Variants in ACVRL1 observed in about 807,000 individuals in gnomAD.
The protein encoded by ACVRL1 is activin A receptor like type 1, also known as activin receptor type-1-like.
ACVRL1 carries 20 observed loss-of-function variants against 51.9 expected under a neutral mutation model. The observed-to-expected ratio is 0.39, with a 90% CI of 0.27 to 0.56. ACVRL1 has a LOEUF of 0.56. ACVRL1 is among the 20% of genes least tolerant of loss of function. The pLI, the probability that ACVRL1 is intolerant of heterozygous loss-of-function variation, is 0.67. For synonymous variants in ACVRL1, 288 were observed against 280.9 expected, an observed-to-expected ratio of 1.03 and a Z score of -0.25; for missense variants, 451 against 670.3, an observed-to-expected ratio of 0.67 and a Z score of 3.61.
rs142906906 is a variant in ACVRL1 at position 51,914,473 on chromosome 12, G to C, written c.660G>C (p.Leu220Phe). 7.1e-5 allele frequency: 114 copies of C among 1,614,174 alleles called. 1 individual carries two copies. In the South Asian group the frequency reaches 1.2e-3, roughly 17 times the overall value. Residue 220 changes from leucine to phenylalanine, a missense_variant, in exon 6 of 10, where the codon TTG becomes TTC. By Grantham distance (22) the Leu-to-Phe change is conservative. This residue lies in a region of ACVRL1 where 259 missense variants were observed against 453.4 expected (regional missense o/e 0.57). Coordinates refer to ENST00000388922, the MANE Select transcript of ACVRL1 (RefSeq NM_000020.3). ...KGRYGEVWRG[L>F]WHGESVAVKI... ...GCTATGGCGAAGTGTGGCGGGGCTT[G>C]TGGCACGGTGAGAGTGTGGCCGTCA...
At position 51,920,899 on chromosome 12, in the gene ACVRL1, G is replaced by A. The variant is rs1421031981; in HGVS notation, c.*6G>A. 3 of 1,292,988 alleles carry A rather than the reference G, an allele frequency of 2.3e-6. No homozygotes were observed. The highest frequency in any genetic ancestry group is 3.1e-6 in the Non-Finnish European group (3 of 956,876). 80.1% of individuals were successfully genotyped at this position (1,292,988 alleles called of 1,614,324 possible). A position where few individuals can be genotyped will look rare whatever the true frequency, so the allele number is the denominator to read the frequency against. On this transcript the variant is annotated 3_prime_UTR_variant, in exon 10 of 10. Transcript: ENST00000388922. Reference sequence around the variant, plus strand: ...AGCCTAAAGTGATTCAATAGCCCAGGAGCACCTGATTCCTTTCTGCCTGCA... The same window carrying A: ...AGCCTAAAGTGATTCAATAGCCCAGAAGCACCTGATTCCTTTCTGCCTGCA...
rs1064796070 is a variant in ACVRL1, at chr12:51,915,367, CG to C, written c.916del (p.Ala306ArgfsTer48). The C allele has an allele frequency of 6.2e-7, 1 of 1,613,990 alleles. No individual in the cohort carries two copies. The highest frequency in any genetic ancestry group is 1.3e-5 in the African/African-American group (1 of 74,960). On this transcript the variant is annotated frameshift_variant, in exon 7 of 10. Coordinates refer to ENST00000388922, the MANE Select transcript of ACVRL1 (RefSeq NM_000020.3). LOFTEE classifies it high-confidence loss of function. Reference protein sequence around the residue: ...PHLALRLAVSAACGLAHLHVE... With the variant: ...PHLALRLAVSXACGLAHLHVE... ...ATCTGGCTCTGAGGCTAGCTGTGTC[CG>C]CGGCATGCGGCCTGGCGCACCTGCA...
intron 1 of ACVRL1, among the ~76,000 whole-genome samples, chr12:51,908,518 A>T (rs965624939): frequency 6.6e-6 from 1 of 152,162 alleles, no homozygotes; most frequent in Admixed American, 6.5e-5. Context: ...TTAGATATAT[A>T]TATTTTTTCT....
chr12:51,914,068 G>A lies in ACVRL1; in HGVS notation c.620G>A (p.Cys207Tyr). 6.2e-7 allele frequency: 1 copy of A among 1,613,456 alleles called. No homozygotes were observed. Among genetic ancestry groups the A allele is most frequent in the Non-Finnish European group, 8.5e-7 (1 of 1,179,728 alleles). The change falls in exon 5 of 10, where the codon TGT becomes TAT. Residue 207 changes from cysteine to tyrosine, a missense_variant. Physicochemically the swap from Cys to Tyr is radical, Grantham distance 194. Transcript: ENST00000388922. Reference protein sequence around the residue: ...TVARQVALVECVGKGRYGEVW... With the variant: ...TVARQVALVEYVGKGRYGEVW... Reference sequence around the variant, plus strand: ...GCACGGCAGGTTGCCTTGGTGGAGTGTGTGGGTGAGCAGTGGGTGAGCCCG... The same window carrying A: ...GCACGGCAGGTTGCCTTGGTGGAGTATGTGGGTGAGCAGTGGGTGAGCCCG...
chr12:51,914,780 G>A (rs991743405), intron 6 of ACVRL1, among the ~76,000 whole-genome samples, 195 bp downstream of exon 6: 2 of 149,110 alleles, frequency 1.3e-5, no homozygotes, highest in Non-Finnish European at 3.0e-5. Flanking sequence ...ACAGGGCCTC[G>A]CTCTGTCACC....
intron 9 of ACVRL1, among the ~76,000 whole-genome samples, chr12:51,919,533 G>A (rs915435039): frequency 2.0e-5 from 3 of 152,010 alleles, no homozygotes; most frequent in South Asian, 2.1e-4. Context: ...GTAGCTAGGT[G>A]TAGTGCACAC....
intron 1 of ACVRL1, among the ~76,000 whole-genome samples, chr12:51,912,144 C>T (rs986388948): frequency 6.6e-6 from 1 of 152,194 alleles, no homozygotes; most frequent in African/African-American, 2.4e-5. Flanking sequence ...CCTTCTACCC[C>T]AATTGGGTGC....
At position 51,913,626 on chromosome 12, in the gene ACVRL1, G is replaced by A. The variant is rs756805913; in HGVS notation, c.381G>A (p.Leu127=). 3.1e-6 allele frequency: 5 copies of A among 1,604,150 alleles called. No individual in the cohort carries two copies. In the African/African-American group the frequency reaches 6.7e-5, roughly 21 times the overall value. ...TGGCCCTGATCCTGGGCCCCGTGCT[G>A]GCCTTGCTGGCCCTGGTGGCCCTGG... ...GQLALILGPV[L]ALLALVALGV... The change falls in exon 4 of 10, where the codon CTG becomes CTA. Residue 127 remains leucine (L), a synonymous_variant. Coordinates refer to ENST00000388922, the MANE Select transcript of ACVRL1 (RefSeq NM_000020.3).
chr12:51,909,065 T>C (rs1592219242), intron 1 of ACVRL1, among the ~76,000 whole-genome samples: 1 of 152,090 alleles, frequency 6.6e-6, no homozygotes, highest in Non-Finnish European at 1.5e-5. Context: ...AAGTGCAGAG[T>C]GAGTCCAGAA....
chr12:51,912,418 C>T (rs186224425), intron 1 of ACVRL1, 52 bp from the exon 2 acceptor site: 77 of 1,591,010 alleles, frequency 4.8e-5, no homozygotes, highest in South Asian at 1.8e-4. Context: ...CCACGGCCAG[C>T]GGCTGTCACA....
rs1219051285 is a variant in ACVRL1 at position 51,917,245 on chromosome 12, A to G, written c.1246+1012A>G. Among the ~76,000 whole-genome samples, 2 of 152,212 alleles carry G rather than the reference A, an allele frequency of 1.3e-5. No homozygotes were observed. Among genetic ancestry groups the G allele is most frequent in the Non-Finnish European group, 2.9e-5 (2 of 68,034 alleles). On this transcript the variant is annotated intron_variant, in intron 8 of 9. Transcript: ENST00000388922. The surrounding 1 kb of genome is among the most constrained non-coding windows in gnomAD (Gnocchi z 4.2). ...GTGCTCATCATCACTGTGTGCACTT[A>G]AACCTCTCTGGCCCTTGATTTCCTC...
chr12:51,918,858 T>G, intron 8 of ACVRL1, 127 bp from the exon 9 acceptor site: 1 of 1,343,258 alleles, frequency 7.4e-7, no homozygotes, highest in East Asian at 2.3e-5. Context: ...ACTGTCCCTC[T>G]CAGGGGTAGC....
chr12:51,922,453 A>T lies in ACVRL1; in HGVS notation c.*1560A>T, dbSNP rs80260084. On this transcript the variant is annotated 3_prime_UTR_variant, in exon 10 of 10. Transcript: ENST00000388922. ...CATCCAAGAAGGCTCCAGCTCCCCTACTGGCCCCTGGCTCAGGCCCACACC... is the reference window on the plus strand; with the variant it reads ...CATCCAAGAAGGCTCCAGCTCCCCTTCTGGCCCCTGGCTCAGGCCCACACC... The T allele has an allele frequency of 6.6e-6, 1 of 152,212 alleles. No homozygotes were observed. The highest frequency in any genetic ancestry group is 1.5e-5 in the Non-Finnish European group (1 of 68,148). The allele number at this position is 152,212 out of a possible 1,614,324, so 9.4% of individuals were successfully genotyped here.
Position 51,913,343 on chromosome 12 carries a change from G to T in ACVRL1, c.306G>T (p.Val102=), listed in dbSNP as rs750949695. 3.1e-6 allele frequency: 5 copies of T among 1,612,256 alleles called. No individual in the cohort carries two copies. Among genetic ancestry groups the T allele is most frequent in the Non-Finnish European group, 4.2e-6 (5 of 1,179,594 alleles). Residue 102 remains valine, a synonymous_variant, in exon 3 of 10, where the codon GTG becomes GTT. Coordinates refer to ENST00000388922, the MANE Select transcript of ACVRL1 (RefSeq NM_000020.3). ...SHLCNHNVSL[V]LEATQPPSEQ... is the part of the protein sequence containing the mutation. ...TCTGCAACCACAACGTGTCCCTGGT[G>T]CTGGAGGGTACGTCCAGCTGCCCTA...
Position 51,915,259 on chromosome 12 carries a change from G to T in ACVRL1, c.807G>T (p.Ser269=). ...CCTCAGACATGACCTCCCGCAACTC[G>T]AGCACGCAGCTGTGGCTCATCACGC... ...FIASDMTSRN[S]STQLWLITHY... The change falls in exon 7 of 10, where the codon TCG becomes TCT. Residue 269 remains serine, a synonymous_variant. Coordinates refer to ENST00000388922, the MANE Select transcript of ACVRL1 (RefSeq NM_000020.3). 1 of 1,614,060 alleles carries T rather than the reference G, an allele frequency of 6.2e-7. No homozygotes were observed. Among genetic ancestry groups the T allele is most frequent in the Admixed American group, 1.7e-5 (1 of 60,030 alleles).
chr12:51,920,323 G>A (rs1265055752), intron 9 of ACVRL1, among the ~76,000 whole-genome samples: 1 of 152,212 alleles, frequency 6.6e-6, no homozygotes, highest in Non-Finnish European at 1.5e-5. Flanking sequence ...GGATGTGGGA[G>A]CCCCCAGGCT....
chr12:51,915,925 T>C, intron 7 of ACVRL1, 111 bp from the exon 8 acceptor site: 1 of 1,216,236 alleles, frequency 8.2e-7, no homozygotes, highest in Non-Finnish European at 1.2e-6. Flanking sequence ...CGTGCACGTC[T>C]CCATCTGCCT....
At position 51,920,851 on chromosome 12, in the gene ACVRL1, A is replaced by C; in HGVS notation, c.1470A>C (p.Gln490His). 1 of 1,613,974 alleles carries C rather than the reference A, an allele frequency of 6.2e-7. No individual in the cohort carries two copies. The highest frequency in any genetic ancestry group is 8.5e-7 in the Non-Finnish European group (1 of 1,180,002). ...LTALRIKKTLQKISNSPEKPK... is the reference protein window; with the variant it reads ...LTALRIKKTLHKISNSPEKPK... ...CGCTGCGGATCAAGAAGACACTACA[A>C]AAAATTAGCAACAGTCCAGAGAAGC... is the stretch of plus-strand genomic sequence containing the variant. The change falls in exon 10 of 10, where the codon CAA (glutamine) becomes CAC (histidine). Residue 490 changes from glutamine to histidine, a missense_variant. Around this residue, in one of 2 missense-constraint regions of ACVRL1, gnomAD observed 259 missense variants for 453.4 expected, o/e 0.57. Transcript: ENST00000388922.
Position 51,914,716 on chromosome 12 carries a change from T to TTTTAATTTAA in ACVRL1, c.772+170_772+179dup, listed in dbSNP as rs55800652. The TTTTAATTTAA allele has an allele frequency of 0.051, 16,144 of 316,072 alleles. 965 individuals are homozygous for TTTTAATTTAA. Among genetic ancestry groups the TTTTAATTTAA allele is most frequent in the African/African-American group, 0.11 (4,669 of 41,492 alleles). The allele number at this position is 316,072 out of a possible 1,614,324, so 19.6% of individuals were successfully genotyped here. ...GCCCACCTGCAGCATCAACCTCTTTTTTTAATTTAATTTAATTTAATTTAA... is the reference window on the plus strand; with the variant it reads ...GCCCACCTGCAGCATCAACCTCTTTTTTTAATTTAATTTAATTTAATTTAATTTAATTTAA... On this transcript the variant is annotated intron_variant, in intron 6 of 9. Coordinates refer to ENST00000388922, the MANE Select transcript of ACVRL1 (RefSeq NM_000020.3).
Sources: gnomAD v4.1 joint callset for allele counts (sites outside exome capture counted in the v4.1 genomes callset) on GRCh38, gnomAD v4.1.1 for gene constraint, gnomAD v4.1.1 regional missense constraint, Gnocchi (gnomAD v3.1) non-coding constraint, MANE v1.5 for transcripts, NCBI Gene and HGNC (gene_info 2026-07-23, HGNC 2026-07-21) for gene names.